Variants in MTFR2 observed in about 807,000 individuals in gnomAD.
The protein encoded by MTFR2 is mitochondrial fission regulator 2, also known as DUF729 domain-containing protein 1.
A neutral mutation model predicts 41.2 loss-of-function variants in MTFR2; 44 were observed. That is an observed-to-expected ratio of 1.07 (90% CI 0.84 to 1.37). MTFR2 has a LOEUF of 1.37. MTFR2 is among the 40% of genes most tolerant of loss of function. The pLI is 0.00. For missense variants in MTFR2, 452 were observed against 459.5 expected (o/e 0.98, Z 0.15); for synonymous variants, 141 against 154.6 (o/e 0.91, Z 0.65).
rs184453567 is a variant in MTFR2, at chr6:136,249,318, G to A, written c.-54-165C>T. The stretch of plus-strand genomic sequence containing the variant: ...AAAGGAAGGGGAAGTCTGGGGGAAA[G>A]AGAGGGTTGTAAAGGAAATTTCAAT... On this transcript the variant is annotated intron_variant, in intron 1 of 7. Coordinates refer to ENST00000420702, the MANE Select transcript of MTFR2 (RefSeq NM_001099286.3). 2.1e-4 allele frequency among the ~76,000 whole-genome samples: 32 copies of A among 152,356 alleles called. No homozygotes were observed. The East Asian group carries it at 6.0e-3, about 28-fold the overall frequency.
Position 136,239,505 on chromosome 6 carries a change from A to G in MTFR2, c.830T>C (p.Leu277Pro). ...AAGCTTAACCTTATTCATATCCTTT[A>G]GAACGTCCAACATGTTTGGAATATC... ...NKDIPNMLDV[L>P]KDMNKVKLRA... Residue 277 changes from leucine to proline, a missense_variant, in exon 6 of 8, where the codon CTA (leucine) becomes CCA (proline). Transcript: ENST00000420702. 1 of 1,614,040 alleles carries G rather than the reference A, an allele frequency of 6.2e-7. No individual in the cohort carries two copies. The highest frequency in any genetic ancestry group is 1.1e-5 in the South Asian group (1 of 91,070).
chr6:136,236,458 G>C (rs959952576), intron 6 of MTFR2, among the ~76,000 whole-genome samples: 5 of 152,198 alleles, frequency 3.3e-5, no homozygotes, highest in African/African-American at 1.2e-4. Context: ...GTTAGCTGTA[G>C]AGGCAACTCA....
chr6:136,239,607 G>C lies in MTFR2; in HGVS notation c.728C>G (p.Ala243Gly). The change falls in exon 6 of 8, where the codon GCA (alanine) becomes GGA (glycine). Residue 243 changes from alanine to glycine, a missense_variant. Coordinates refer to ENST00000420702, the MANE Select transcript of MTFR2 (RefSeq NM_001099286.3). ...CGGGTTCTGTTTGCTCATTTCAGTT[G>C]CTGGATTATCTGAGTCACAAATATT... is the stretch of plus-strand genomic sequence containing the variant. The part of the protein sequence containing the change: ...SNNICDSDNP[A>G]TEMSKQNPAA... The C allele has an allele frequency of 6.2e-7, 1 of 1,614,044 alleles. No individual in the cohort carries two copies. Among genetic ancestry groups the C allele is most frequent in the Admixed American group, 1.7e-5 (1 of 60,004 alleles).
intron 3 of MTFR2, 40 bp from the exon 4 acceptor site, chr6:136,243,013 G>T (rs866249054): frequency 7.1e-7 from 1 of 1,415,670 alleles, no homozygotes; most frequent in African/African-American, 1.5e-5. Context: ...AGCTCTGCAG[G>T]GAGTCAGGAG....
intron 2 of MTFR2, 59 bp downstream of exon 2, chr6:136,248,978 T>G: frequency 6.8e-7 from 1 of 1,478,696 alleles, no homozygotes; most frequent in East Asian, 2.3e-5. Flanking sequence ...TAAGTCATTT[T>G]CAAAATGAAA....
intron 2 of MTFR2, 118 bp from the exon 3 acceptor site, chr6:136,244,987 C>A: frequency 1.6e-6 from 1 of 632,626 alleles, no homozygotes; most frequent in South Asian, 2.1e-5. Flanking sequence ...TTTTTTAATA[C>A]AGGGAGTCCT....
At chr6:136,243,707 C>T (rs527940265) in intron 3 of MTFR2, among the ~76,000 whole-genome samples, 34 of 140,596 alleles carry the variant, frequency 2.4e-4, no homozygotes, top group South Asian at 1.9e-3. Flanking sequence ...ACAGCAAGAC[C>T]TTATCTTAAA....
chr6:136,242,890 A>G lies in MTFR2; in HGVS notation c.252T>C (p.Asn84=). The change falls in exon 4 of 8, where the codon AAT becomes AAC. Residue 84 remains asparagine, a synonymous_variant. Coordinates refer to ENST00000420702, the MANE Select transcript of MTFR2 (RefSeq NM_001099286.3). The part of the protein sequence containing the change: ...PSFADILYVA[N]DEEASYLRFR... ...ATCTGAGATAACTGGCTTCTTCATC[A>G]TTTGCCACATACAAAATATCAGCAA... is the stretch of plus-strand genomic sequence containing the variant. 1.2e-6 allele frequency: 2 copies of G among 1,613,354 alleles called. No homozygotes were observed. Among genetic ancestry groups the G allele is most frequent in the Non-Finnish European group, 1.7e-6 (2 of 1,179,820 alleles).
At chr6:136,238,128 T>G (rs369051805) in intron 6 of MTFR2, among the ~76,000 whole-genome samples, 1 of 152,238 alleles carries the variant, frequency 6.6e-6, no homozygotes, top group Admixed American at 6.5e-5. Context: ...CAAAGAGATA[T>G]CTGCACACCC....
intron 6 of MTFR2, among the ~76,000 whole-genome samples, chr6:136,233,930 A>G (rs564008191): frequency 6.6e-6 from 1 of 152,246 alleles, no homozygotes; most frequent in South Asian, 2.1e-4. Flanking sequence ...CCACTACCAC[A>G]TCCGACTCCA....
At chr6:136,246,175 C>T (rs1197759423) in intron 2 of MTFR2, among the ~76,000 whole-genome samples, 1 of 152,172 alleles carries the variant, frequency 6.6e-6, no homozygotes, top group Non-Finnish European at 1.5e-5. Flanking sequence ...TTAAATGATA[C>T]CTTCCTATCT....
At chr6:136,237,814 TA>T (rs11375654) in intron 6 of MTFR2, among the ~76,000 whole-genome samples, 358 of 143,054 alleles carry the variant, frequency 2.5e-3, no homozygotes, top group Middle Eastern at 7.0e-3. Context: ...AGACTCCATC[TA>T]AAAAAAAAAA....
Position 136,239,476 on chromosome 6 carries a change from C to A in MTFR2, c.859G>T (p.Ala287Ser). The change falls in exon 6 of 8, where the codon GCA (alanine) becomes TCA (serine). Residue 287 changes from alanine to serine, a missense_variant. Physicochemically the swap from Ala to Ser is moderately conservative, Grantham distance 99. Coordinates refer to ENST00000420702, the MANE Select transcript of MTFR2 (RefSeq NM_001099286.3). ...ATTACAACAACATACCGCTCAATTG[C>A]ACGAAGCTTAACCTTATTCATATCC... The part of the protein sequence containing the change: ...LKDMNKVKLR[A>S]IERSPGGRPI... The A allele has an allele frequency of 6.3e-7, 1 of 1,594,782 alleles. No individual in the cohort carries two copies. Among genetic ancestry groups the A allele is most frequent in the South Asian group, 1.1e-5 (1 of 89,188 alleles).
Position 136,233,497 on chromosome 6 carries a change from G to T in MTFR2, c.872C>A (p.Ser291Ter). 4.1e-6 allele frequency: 6 copies of T among 1,471,870 alleles called. No individual in the cohort carries two copies. The highest frequency in any genetic ancestry group is 3.0e-5 in the South Asian group (2 of 67,752). The allele number at this position is 1,471,870 out of a possible 1,614,324, so 91.2% of individuals were successfully genotyped here. ...NKVKLRAIER[S>*]PGGRPIHKRK... is the part of the protein sequence containing the mutation. ...CTTATGAATGGGTCTACCGCCAGGT[G>T]ACCTATTTTTTAAAAAAAAAAATTG... Residue 291 changes from serine (S) to a stop codon, truncating the protein, a stop_gained and splice_region_variant, in exon 7 of 8, where the codon TCA (serine) becomes TAA (stop). Coordinates refer to ENST00000420702, the MANE Select transcript of MTFR2 (RefSeq NM_001099286.3). LOFTEE classifies it high-confidence loss of function.
chr6:136,246,893 T>A (rs1171687004), intron 2 of MTFR2, among the ~76,000 whole-genome samples: 2 of 152,156 alleles, frequency 1.3e-5, no homozygotes, highest in African/African-American at 4.8e-5. Flanking sequence ...ACATGTTACA[T>A]TCTATACCAC....
chr6:136,245,773 A>G (rs1478122018), intron 2 of MTFR2, among the ~76,000 whole-genome samples: 1 of 152,166 alleles, frequency 6.6e-6, no homozygotes, highest in Non-Finnish European at 1.5e-5. Flanking sequence ...GACATTTGGG[A>G]TTTTGGAGCA....
At chr6:136,240,861 G>A (rs1562210717) in intron 5 of MTFR2, among the ~76,000 whole-genome samples, 3 of 152,188 alleles carry the variant, frequency 2.0e-5, no homozygotes, top group Non-Finnish European at 4.4e-5. Context: ...GGAGGCCAAG[G>A]CGGGCAGATC....
chr6:136,236,773 C>A lies in MTFR2; in HGVS notation c.869+2693G>T, dbSNP rs141915365. Among the ~76,000 whole-genome samples, 20 of 152,248 alleles carry A rather than the reference C, an allele frequency of 1.3e-4. No individual in the cohort carries two copies. In the East Asian group the frequency reaches 3.9e-3, roughly 30 times the overall value. ...TAAAAACAGAACTGACTTATCTGTC[C>A]CAGGACTATCATACAGAAAATATAT... On this transcript the variant is annotated intron_variant, in intron 6 of 7. Coordinates refer to ENST00000420702, the MANE Select transcript of MTFR2 (RefSeq NM_001099286.3).
At chr6:136,248,279 T>C (rs1358168147) in intron 2 of MTFR2, among the ~76,000 whole-genome samples, 1 of 152,180 alleles carries the variant, frequency 6.6e-6, no homozygotes, top group East Asian at 1.9e-4. Context: ...TAGATAAAAT[T>C]TGATTTGCTT....
Sources: gnomAD v4.1 joint callset for allele counts (sites outside exome capture counted in the v4.1 genomes callset) on GRCh38, gnomAD v4.1.1 for gene constraint, MANE v1.5 for transcripts, NCBI Gene and HGNC (gene_info 2026-07-23, HGNC 2026-07-21) for gene names.